The following DGKG variants were observed in gnomAD, a reference collection of about 807,000 sequenced individuals.
DGKG encodes the protein diacylglycerol kinase gamma.
In DGKG, 78 loss-of-function variants were observed where a neutral mutation model predicts 105.3. That is an observed-to-expected ratio of 0.74 (90% CI 0.62 to 0.89). The LOEUF is 0.89. Ranked by LOEUF, DGKG falls within the 40% of genes least tolerant of loss-of-function variation. The pLI is 0.00. For missense variants in DGKG, 958 were observed against 1,020.1 expected, an observed-to-expected ratio of 0.94 and a Z score of 0.83; for synonymous variants, 346 against 367.1, an observed-to-expected ratio of 0.94 and a Z score of 0.66.
At chr3:186,176,102 A>G (rs1717065387) in intron 22 of DGKG, among the ~76,000 whole-genome samples, 1 of 152,186 alleles carries the variant, frequency 6.6e-6, no homozygotes, top group South Asian at 2.1e-4. Flanking sequence ...GGTGGGGGTG[A>G]GCCTCTTCTC....
At chr3:186,287,364 G>A (rs975588286) in intron 6 of DGKG, among the ~76,000 whole-genome samples, 2 of 152,222 alleles carry the variant, frequency 1.3e-5, no homozygotes, top group African/African-American at 2.4e-5. Flanking sequence ...AAGATACTCT[G>A]AGGCAGAGGG....
intron 17 of DGKG, among the ~76,000 whole-genome samples, chr3:186,253,984 G>A (rs1721343366): frequency 6.6e-6 from 1 of 152,180 alleles, no homozygotes; most frequent in Non-Finnish European, 1.5e-5. Context: ...TCTCAGAATT[G>A]CAATGACACA....
chr3:186,304,278 G>T (rs1458790318), intron 3 of DGKG, among the ~76,000 whole-genome samples: 2 of 152,250 alleles, frequency 1.3e-5, no homozygotes, highest in South Asian at 2.1e-4. Context: ...TGAGTTCTTT[G>T]CTGGCTCTGC....
intron 1 of DGKG, among the ~76,000 whole-genome samples, chr3:186,326,626 A>T (rs1042361948): frequency 1.3e-5 from 2 of 152,196 alleles, no homozygotes. Context: ...CTTAATACAC[A>T]GAAAGTAGTT....
chr3:186,150,335 G>GAAC, intron 24 of DGKG, 147 bp from the exon 25 acceptor site: 2 of 1,093,548 alleles, frequency 1.8e-6, no homozygotes, highest in South Asian at 3.3e-5. Context: ...CTTCAAAATT[G>GAAC]GCAACTTGAC....
chr3:186,305,356 G>A (rs1724179152), intron 3 of DGKG, among the ~76,000 whole-genome samples: 1 of 152,208 alleles, frequency 6.6e-6, no homozygotes, highest in African/African-American at 2.4e-5. Context: ...AACAGTAACA[G>A]CAAGCACAAT....
chr3:186,183,455 TA>T (rs1393702910), intron 22 of DGKG, among the ~76,000 whole-genome samples: 1 of 151,736 alleles, frequency 6.6e-6, no homozygotes, highest in East Asian at 1.9e-4. Flanking sequence ...TTACAAAAAC[TA>T]AAAAATAGCA....
chr3:186,327,794 A>G (rs540997016), intron 1 of DGKG, among the ~76,000 whole-genome samples: 1 of 152,248 alleles, frequency 6.6e-6, no homozygotes, highest in South Asian at 2.1e-4. Flanking sequence ...CATCCTATGA[A>G]TCACACCATA....
At position 186,297,432 on chromosome 3, in the gene DGKG, G is replaced by A; in HGVS notation, c.362C>T (p.Ala121Val). Residue 121 changes from alanine to valine, a missense_variant, in exon 5 of 25, where the codon GCC (alanine) becomes GTC (valine). Ala to Val is a moderately conservative substitution (Grantham distance 64). Around this residue, in one of 2 missense-constraint regions of DGKG, gnomAD observed 643 missense variants for 619.5 expected, o/e 1.04. Transcript: ENST00000265022. ...DNATKADEAC[A>V]PDTESNMAEK... ...TTCCAAAGACTTACCAGTATCAGGG[G>A]CACAGGCCTCGTCTGCTTTGGTGGC... 2 of 1,610,916 alleles carry A rather than the reference G, an allele frequency of 1.2e-6. No homozygotes were observed.
chr3:186,348,451 C>CTTTT lies in DGKG; in HGVS notation c.-249+13491_-249+13494dup, dbSNP rs1159516433. Among the ~76,000 whole-genome samples the CTTTT allele has an allele frequency of 5.1e-3, 261 of 50,690 alleles. 2 individuals carry two copies. The highest frequency in any genetic ancestry group is 0.017 in the African/African-American group (239 of 13,924). The allele number at this position is 50,690 out of a possible 152,430, so 33.3% of individuals were successfully genotyped here. ...TGAATAGAGAATTCTGGCTCATAAT[C>CTTTT]TTTTTTTTTTTTTTTTTTTTGAGAT... On this transcript the variant is annotated intron_variant, in intron 1 of 24. Transcript: ENST00000265022.
chr3:186,184,987 A>C (rs915977160), intron 22 of DGKG, among the ~76,000 whole-genome samples: 2 of 152,326 alleles, frequency 1.3e-5, no homozygotes, highest in Non-Finnish European at 1.5e-5. Flanking sequence ...ACTATGCCTT[A>C]ATTTTGCGGA....
In DGKG at chr3:186,228,636, C is replaced by A. The variant is rs544587992; in HGVS notation, c.1826+13868G>T. Among the ~76,000 whole-genome samples, 9 of 152,286 alleles carry A rather than the reference C, an allele frequency of 5.9e-5. No homozygotes were observed. The East Asian group carries it at 1.7e-3, about 29-fold the overall frequency. ...TCTCCGCTCATGTCCAGTGTCCTCT[C>A]ACACTTCAGCCCTTCTCCCATACTG... On this transcript the variant is annotated intron_variant, in intron 20 of 24. Coordinates refer to ENST00000265022, the MANE Select transcript of DGKG (RefSeq NM_001346.3).
chr3:186,250,914 C>A (rs369882697), intron 19 of DGKG, among the ~76,000 whole-genome samples: 1 of 152,006 alleles, frequency 6.6e-6, no homozygotes, highest in Admixed American at 6.6e-5. Context: ...CCCTCCCAAC[C>A]CCCAGCTTCA....
At position 186,297,138 on chromosome 3, in the gene DGKG, C is replaced by A. The variant is rs551749184; in HGVS notation, c.373+283G>T. ...GAGAAGGCTCTCCACTTTTTCTGGG[C>A]AGGCAGACATATCAGAGATAAACAT... On this transcript the variant is annotated intron_variant, in intron 5 of 24. Coordinates refer to ENST00000265022, the MANE Select transcript of DGKG (RefSeq NM_001346.3). Among the ~76,000 whole-genome samples the A allele has an allele frequency of 1.8e-3, 270 of 150,780 alleles. 1 individual carries two copies. The highest frequency in any genetic ancestry group is 6.0e-3 in the African/African-American group (245 of 41,044).
intron 19 of DGKG, among the ~76,000 whole-genome samples, chr3:186,244,217 G>A (rs1720828546): frequency 1.3e-5 from 2 of 152,130 alleles, no homozygotes; most frequent in South Asian, 4.1e-4. Flanking sequence ...GCATCAAGAG[G>A]TATAGTTCTA....
intron 17 of DGKG, among the ~76,000 whole-genome samples, 172 bp from the exon 18 acceptor site, chr3:186,253,354 T>A (rs914908693): frequency 6.6e-6 from 1 of 152,224 alleles, no homozygotes; most frequent in Non-Finnish European, 1.5e-5. Flanking sequence ...ATCTGCAGCG[T>A]GTTAACCACC....
intron 3 of DGKG, among the ~76,000 whole-genome samples, chr3:186,301,762 T>C (rs1277482809): frequency 1.3e-5 from 2 of 152,228 alleles, no homozygotes; most frequent in Admixed American, 1.3e-4. Flanking sequence ...TAGATGAATG[T>C]AAATAGAAGG....
chr3:186,309,741 T>C (rs1016379154), intron 2 of DGKG, among the ~76,000 whole-genome samples: 1 of 152,166 alleles, frequency 6.6e-6, no homozygotes, highest in East Asian at 1.9e-4. Flanking sequence ...TATATGATAT[T>C]TTGATGTTCT....
At chr3:186,292,417 G>C (rs1723350720) in intron 5 of DGKG, among the ~76,000 whole-genome samples, 1 of 152,160 alleles carries the variant, frequency 6.6e-6, no homozygotes, top group Non-Finnish European at 1.5e-5. Context: ...TTAAAGAGGG[G>C]ATTGCATTAA....
Sources: allele counts gnomAD v4.1 joint callset (sites outside exome capture counted in the v4.1 genomes callset), GRCh38; gene constraint gnomAD v4.1.1; regional missense constraint gnomAD v4.1.1; transcripts MANE v1.5; gene names NCBI Gene and HGNC (gene_info 2026-07-23, HGNC 2026-07-21).